Variants in B3GALT1 observed in about 807,000 individuals in gnomAD.
B3GALT1 encodes the protein beta-1,3-galactosyltransferase 1.
Under a neutral mutation model 23.2 loss-of-function variants are expected in B3GALT1, and 10 were observed. The ratio of observed to expected loss-of-function variants is 0.43; its 90% CI spans 0.27 to 0.73. The LOEUF is 0.73. Among genes scored for constraint, B3GALT1 ranks in the 30% least tolerant of loss-of-function variants. The probability of loss-of-function intolerance (pLI) is 0.21; values close to 1 mark genes in which losing one functional copy is unlikely to be tolerated. For synonymous variants in B3GALT1, 156 were observed against 141.5 expected, an observed-to-expected ratio of 1.10 and a Z score of -0.73; for missense variants, 299 against 405.4, an observed-to-expected ratio of 0.74 and a Z score of 2.25.
Position 167,564,289 on chromosome 2 carries a change from C to G in B3GALT1, c.-410+74012C>G, listed in dbSNP as rs565198421. 5.3e-4 allele frequency among the ~76,000 whole-genome samples: 79 copies of G among 149,176 alleles called. No homozygotes were observed. The South Asian group carries it at 0.01, about 19-fold the overall frequency. On this transcript the variant is annotated intron_variant, in intron 2 of 4. Coordinates refer to ENST00000392690, the MANE Select transcript of B3GALT1 (RefSeq NM_020981.4). ...GGGCGGCCGGGCAGAGACGCTCCCC[C>G]CCTCCCAGATGTGATGGCGGCCGGG...
chr2:167,464,173 T>A (rs6711972), intron 1 of B3GALT1, among the ~76,000 whole-genome samples: 134,420 of 151,250 alleles, frequency 0.89, 59,940 homozygotes, highest in East Asian at 1. Flanking sequence ...TTTTTTTTTT[T>A]AAAAAAGGAT....
intron 1 of B3GALT1, among the ~76,000 whole-genome samples, chr2:167,429,855 C>A (rs1698682846): frequency 6.6e-6 from 1 of 152,198 alleles, no homozygotes; most frequent in South Asian, 2.1e-4. Flanking sequence ...ATGTTAGCCT[C>A]TAATGTTACC....
intron 1 of B3GALT1, among the ~76,000 whole-genome samples, chr2:167,392,286 A>G (rs1426584580): frequency 6.6e-6 from 1 of 152,094 alleles, no homozygotes; most frequent in Non-Finnish European, 1.5e-5. Flanking sequence ...GAAGAATCTG[A>G]AGAAAGGCCA....
intron 2 of B3GALT1, among the ~76,000 whole-genome samples, chr2:167,558,991 G>C (rs766330022): frequency 6.6e-6 from 1 of 152,206 alleles, no homozygotes; most frequent in Non-Finnish European, 1.5e-5. Flanking sequence ...ATCTGAGAAC[G>C]GGCAGACTGC....
chr2:167,855,357 A>T (rs1029272162), intron 4 of B3GALT1, among the ~76,000 whole-genome samples: 2 of 152,186 alleles, frequency 1.3e-5, no homozygotes, highest in African/African-American at 4.8e-5. Context: ...CTCATTAGCT[A>T]TGTAAAGCTG....
intron 2 of B3GALT1, among the ~76,000 whole-genome samples, chr2:167,637,968 G>C (rs982723041): frequency 6.6e-6 from 1 of 151,924 alleles, no homozygotes; most frequent in Non-Finnish European, 1.5e-5. Flanking sequence ...AATAGTAGTG[G>C]CTATAGTGAA....
chr2:167,526,268 C>T (rs771955039), intron 2 of B3GALT1, among the ~76,000 whole-genome samples: 4 of 151,944 alleles, frequency 2.6e-5, no homozygotes, highest in South Asian at 4.2e-4. Context: ...AACATGAATT[C>T]CTGTTTATGT....
intron 3 of B3GALT1, among the ~76,000 whole-genome samples, chr2:167,750,259 G>T (rs548809376): frequency 1.3e-5 from 2 of 152,160 alleles, no homozygotes; most frequent in African/African-American, 4.8e-5. Context: ...AAAAATCTAT[G>T]CTAATTGTAT....
At position 167,609,764 on chromosome 2, in the gene B3GALT1, A is replaced by G. The variant is rs948427532; in HGVS notation, c.-409-37145A>G. On this transcript the variant is annotated intron_variant, in intron 2 of 4. Transcript: ENST00000392690. ...ATGCCCAAAGGCGTATCACAGAAAG[A>G]TCAATTCCCCTAATTGAATTTTTGC... Among the ~76,000 whole-genome samples, 5 of 152,278 alleles carry G rather than the reference A, an allele frequency of 3.3e-5. No individual in the cohort carries two copies. In the East Asian group the frequency reaches 9.7e-4, roughly 29 times the overall value.
chr2:167,799,723 CT>C (rs767940452), intron 3 of B3GALT1, among the ~76,000 whole-genome samples: 2 of 152,130 alleles, frequency 1.3e-5, no homozygotes, highest in Non-Finnish European at 2.9e-5. Flanking sequence ...CTCTAAATGG[CT>C]CTTAGTGGTT....
intron 3 of B3GALT1, among the ~76,000 whole-genome samples, chr2:167,808,599 T>C (rs1479252236): frequency 6.6e-6 from 1 of 151,884 alleles, no homozygotes; most frequent in Non-Finnish European, 1.5e-5. Flanking sequence ...TTTAAGAATA[T>C]TGAATGTTGG....
intron 1 of B3GALT1, among the ~76,000 whole-genome samples, chr2:167,416,486 G>C (rs1279880425): frequency 6.6e-6 from 1 of 152,244 alleles, no homozygotes; most frequent in Admixed American, 6.5e-5. Context: ...CTCAGGCAGA[G>C]ACTTGTCACA....
intron 3 of B3GALT1, among the ~76,000 whole-genome samples, chr2:167,782,538 T>C (rs1688264391): frequency 6.6e-6 from 1 of 152,228 alleles, no homozygotes; most frequent in Non-Finnish European, 1.5e-5. Context: ...ACCTTACAAA[T>C]ATTATTTTCA....
chr2:167,491,768 T>TCTG (rs1363491874), intron 2 of B3GALT1, among the ~76,000 whole-genome samples: 22 of 150,772 alleles, frequency 1.5e-4, no homozygotes, highest in Non-Finnish European at 2.5e-4. Context: ...TGAGCCAAGA[T>TCTG]CACACCACTG....
At chr2:167,610,926 A>G (rs867535002) in intron 2 of B3GALT1, among the ~76,000 whole-genome samples, 179 of 139,680 alleles carry the variant, frequency 1.3e-3, no homozygotes, top group Middle Eastern at 3.8e-3. Flanking sequence ...AAAAAAAAAA[A>G]AGAGAGAGAG....
intron 2 of B3GALT1, among the ~76,000 whole-genome samples, chr2:167,574,399 A>G (rs1339995623): frequency 6.6e-6 from 1 of 151,746 alleles, no homozygotes; most frequent in Non-Finnish European, 1.5e-5. Context: ...AAAATAAGAC[A>G]AAGTAGGGAC....
chr2:167,673,427 A>G (rs980328669), intron 3 of B3GALT1, among the ~76,000 whole-genome samples: 2 of 152,098 alleles, frequency 1.3e-5, no homozygotes. Context: ...AGAAAATAGC[A>G]CCAACTCTTT....
At chr2:167,537,265 T>C (rs182612491) in intron 2 of B3GALT1, among the ~76,000 whole-genome samples, 5 of 152,024 alleles carry the variant, frequency 3.3e-5, no homozygotes, top group Admixed American at 3.3e-4. Flanking sequence ...ATGAAAACAG[T>C]ATGGGGGAAA....
chr2:167,803,081 A>AACACATAC lies in B3GALT1; in HGVS notation c.-351-15586_-351-15585insTACACACA, dbSNP rs1187679506. Among the ~76,000 whole-genome samples the AACACATAC allele has an allele frequency of 1.5e-3, 210 of 141,480 alleles. 2 individuals are homozygous for AACACATAC. Among genetic ancestry groups the AACACATAC allele is most frequent in the East Asian group, 4.1e-3 (19 of 4,642 alleles). The allele number at this position is 141,480 out of a possible 152,430, so 92.8% of individuals were successfully genotyped here. On this transcript the variant is annotated intron_variant, in intron 3 of 4. Coordinates refer to ENST00000392690, the MANE Select transcript of B3GALT1 (RefSeq NM_020981.4). ...TGACAATGTTCATTTGACCCTAACAAACACACACACACACACACACACACA... is the reference window on the plus strand; with the variant it reads ...TGACAATGTTCATTTGACCCTAACAAACACATACACACACACACACACACACACACACA...
Sources: allele counts gnomAD v4.1 joint callset (sites outside exome capture counted in the v4.1 genomes callset), GRCh38; gene constraint gnomAD v4.1.1; transcripts MANE v1.5; gene names NCBI Gene and HGNC (gene_info 2026-07-23, HGNC 2026-07-21).